Variants in PBX1 observed in about 807,000 individuals in gnomAD.
The protein encoded by PBX1 is pre-B-cell leukemia transcription factor 1.
A neutral mutation model predicts 53.4 loss-of-function variants in PBX1; 6 were observed. The observed-to-expected ratio is 0.11, with a 90% CI of 0.06 to 0.22. The LOEUF (loss-of-function observed/expected upper bound fraction) is 0.22. Ranked by LOEUF, PBX1 falls within the 10% of genes least tolerant of loss-of-function variation. The pLI, the probability that PBX1 is intolerant of heterozygous loss-of-function variation, is 1.00. For synonymous variants in PBX1, 204 were observed against 212.3 expected (o/e 0.96, Z 0.34); for missense variants, 251 against 551.4 (o/e 0.46, Z 5.46).
In PBX1 at chr1:164,849,553, AATAG is replaced by A. The variant is rs1472363439; in HGVS notation, c.*2880_*2883del. The A allele has an allele frequency of 1.8e-5, 22 of 1,204,114 alleles. No individual in the cohort carries two copies. In the East Asian group the frequency reaches 4.9e-4, roughly 27 times the overall value. 74.6% of individuals were successfully genotyped at this position (1,204,114 alleles called of 1,614,324 possible). ...GCACCCCAGGATTTCTTCATTTTCT[AATAG>A]ATGTGGGAGTGCTCCATTTTCCCCG... On this transcript the variant is annotated 3_prime_UTR_variant, in exon 9 of 9. Transcript: ENST00000420696.
intron 2 of PBX1, among the ~76,000 whole-genome samples, chr1:164,735,720 C>T (rs1273889438): frequency 6.6e-6 from 1 of 152,154 alleles, no homozygotes; most frequent in Non-Finnish European, 1.5e-5. Flanking sequence ...ATTAACTCTG[C>T]AATCAGGACA....
At position 164,559,669 on chromosome 1, in the gene PBX1, T is replaced by C. The variant is rs1390577277; in HGVS notation, c.-154T>C. ...CCATCCTCTAAAGAGGCAAAGGGAT[T>C]TTTTTTTTCTTTTGGTCTTCTTTTT... On this transcript the variant is annotated 5_prime_UTR_variant, in exon 1 of 9. Coordinates refer to ENST00000420696, the MANE Select transcript of PBX1 (RefSeq NM_002585.4). 1.7e-5 allele frequency: 9 copies of C among 529,188 alleles called. No individual in the cohort carries two copies. Among genetic ancestry groups the C allele is most frequent in the Non-Finnish European group, 2.9e-5 (9 of 313,294 alleles). 32.8% of individuals were successfully genotyped at this position (529,188 alleles called of 1,614,324 possible). A position where few individuals can be genotyped will look rare whatever the true frequency, so the allele number is the denominator to read the frequency against.
intron 2 of PBX1, among the ~76,000 whole-genome samples, chr1:164,635,089 G>A (rs1658667774): frequency 1.4e-5 from 2 of 147,398 alleles, no homozygotes; most frequent in Non-Finnish European, 3.0e-5. Flanking sequence ...GTGGGGGAAG[G>A]GGTTTATTGT....
intron 2 of PBX1, among the ~76,000 whole-genome samples, chr1:164,744,531 C>T (rs779336415): frequency 3.3e-5 from 5 of 152,204 alleles, no homozygotes; most frequent in African/African-American, 4.8e-5. Context: ...ATTAGATCCT[C>T]TCAGAACTCT....
chr1:164,649,548 T>C (rs929458529), intron 2 of PBX1, among the ~76,000 whole-genome samples: 4 of 152,136 alleles, frequency 2.6e-5, no homozygotes, highest in African/African-American at 9.7e-5. Context: ...CTGGTGTTAG[T>C]TGTTCCTATG....
intron 2 of PBX1, among the ~76,000 whole-genome samples, chr1:164,613,208 A>G (rs1657049645): frequency 6.6e-6 from 1 of 152,180 alleles, no homozygotes; most frequent in Non-Finnish European, 1.5e-5. Context: ...GTCAAGCCTT[A>G]TGTTCCAATT....
chr1:164,781,143 T>G (rs994230579), intron 2 of PBX1, among the ~76,000 whole-genome samples: 4 of 152,274 alleles, frequency 2.6e-5, no homozygotes, highest in African/African-American at 9.6e-5. Context: ...TGACTGACCT[T>G]GTATGCATTT....
intron 2 of PBX1, among the ~76,000 whole-genome samples, chr1:164,691,236 A>T (rs1036008904): frequency 2.0e-5 from 3 of 151,272 alleles, no homozygotes; most frequent in African/African-American, 7.3e-5. Flanking sequence ...CTGGTCTCGA[A>T]CTCCCGGCCT....
At chr1:164,636,180 C>T (rs1192067440) in intron 2 of PBX1, among the ~76,000 whole-genome samples, 3 of 151,102 alleles carry the variant, frequency 2.0e-5, no homozygotes, top group Non-Finnish European at 2.9e-5. Flanking sequence ...CTTTTGATCT[C>T]AGTTACAGTT....
rs757757449 is a variant in PBX1, at chr1:164,604,573, C to G, written c.265+41262C>G. The stretch of plus-strand genomic sequence containing the variant: ...CTTAACAAATGAAGGCTGGACATGA[C>G]CCTTTTTTATTCTGTCCTGAGAGCC... On this transcript the variant is annotated intron_variant, in intron 2 of 8. Transcript: ENST00000420696. Among the ~76,000 whole-genome samples the G allele has an allele frequency of 8.5e-5, 13 of 152,186 alleles. 1 individual carries two copies. Among genetic ancestry groups the G allele is most frequent in the Admixed American group, 2.6e-4 (4 of 15,284 alleles).
intron 2 of PBX1, among the ~76,000 whole-genome samples, chr1:164,577,459 G>T (rs963641805): frequency 6.6e-6 from 1 of 152,172 alleles, no homozygotes; most frequent in East Asian, 1.9e-4. Context: ...GCCCATGCAC[G>T]CATAGTTGCC....
chr1:164,770,817 A>C (rs1223445050), intron 2 of PBX1: 1 of 152,208 alleles, frequency 6.6e-6, no homozygotes, highest in East Asian at 1.9e-4. Flanking sequence ...GAAGAGGGTG[A>C]AGACAGCCGT....
At chr1:164,608,228 A>T (rs1656687863) in intron 2 of PBX1, among the ~76,000 whole-genome samples, 1 of 152,230 alleles carries the variant, frequency 6.6e-6, no homozygotes, top group Admixed American at 6.5e-5. Flanking sequence ...GCATGTGCCA[A>T]GTACTGTGCC....
At chr1:164,804,296 G>T (rs975467934) in intron 4 of PBX1, among the ~76,000 whole-genome samples, 16 of 152,034 alleles carry the variant, frequency 1.1e-4, no homozygotes, top group Non-Finnish European at 2.1e-4. Context: ...TTATAAAGTG[G>T]ACTAAAACAA....
intron 2 of PBX1, among the ~76,000 whole-genome samples, chr1:164,882,342 C>T (rs774545328): frequency 2.6e-5 from 4 of 152,140 alleles, no homozygotes; most frequent in South Asian, 2.1e-4. Context: ...CATCTGTGCT[C>T]CTCATTTTCA....
At position 164,716,945 on chromosome 1, in the gene PBX1, C is replaced by T. The variant is rs1467397659; in HGVS notation, c.266-75549C>T. Among the ~76,000 whole-genome samples, 5 of 152,176 alleles carry T rather than the reference C, an allele frequency of 3.3e-5. 1 individual carries two copies. In the East Asian group the frequency reaches 9.7e-4, roughly 29 times the overall value. On this transcript the variant is annotated intron_variant, in intron 2 of 8. Coordinates refer to ENST00000420696, the MANE Select transcript of PBX1 (RefSeq NM_002585.4). ...TCGGAGACAGAGAGCAGTTAAGTTT[C>T]AGGGTGTTTGTGGTGGGGAGTTGAT...
chr1:164,805,397 A>G (rs1412440821), intron 4 of PBX1, among the ~76,000 whole-genome samples: 1 of 152,178 alleles, frequency 6.6e-6, no homozygotes, highest in Non-Finnish European at 1.5e-5. Flanking sequence ...TACTAAAAGA[A>G]GTGATAAGCG....
chr1:164,817,965 G>A (rs1669960355), intron 6 of PBX1: 1 of 152,234 alleles, frequency 6.6e-6, no homozygotes, highest in Non-Finnish European at 1.5e-5. Context: ...CGATGGGAGA[G>A]AAGTAAAATA....
At chr1:164,592,162 G>A (rs1336867269) in intron 2 of PBX1, among the ~76,000 whole-genome samples, 3 of 152,154 alleles carry the variant, frequency 2.0e-5, no homozygotes, top group Non-Finnish European at 4.4e-5. Flanking sequence ...AAATCAAGTT[G>A]TGTTCAAGTC....
Sources: gnomAD v4.1 joint callset for allele counts (sites outside exome capture counted in the v4.1 genomes callset) on GRCh38, gnomAD v4.1.1 for gene constraint, MANE v1.5 for transcripts, NCBI Gene and HGNC (gene_info 2026-07-23, HGNC 2026-07-21) for gene names.